CHLSN: variants seen among roughly 807,000 people sequenced by gnomAD.
CHLSN encodes the protein protein cholesin.
chr7:1,025,620 G>A, the CHLSN span: 1 of 151,772 alleles, frequency 6.6e-6, no homozygotes, highest in South Asian at 2.1e-4. Context: ...CAGAGCACAA[G>A]AGGTTGGGGG....
At chr7:1,092,681 G>A in the CHLSN span, 9 of 1,613,248 alleles carry the variant, frequency 5.6e-6, no homozygotes, top group African/African-American at 1.3e-5. Context: ...TCCAACAGCT[G>A]CCTAAACCCC....
chr7:994,308 C>CTG, the CHLSN span, among the ~76,000 whole-genome samples: 1 of 152,010 alleles, frequency 6.6e-6, no homozygotes, highest in Non-Finnish European at 1.5e-5. Context: ...CTACAGGCGC[C>CTG]CACCACCACA....
chr7:991,873 C>A, the CHLSN span, among the ~76,000 whole-genome samples: 4 of 152,210 alleles, frequency 2.6e-5, no homozygotes, highest in East Asian at 5.8e-4. Flanking sequence ...CCCAGTCCTT[C>A]TCCTTCCTGG....
chr7:1,009,046 CACGT>C, the CHLSN span, among the ~76,000 whole-genome samples: 464 of 151,616 alleles, frequency 3.1e-3, 2 homozygotes, highest in African/African-American at 0.01. Flanking sequence ...CACATGCACA[CACGT>C]ACACGTGCAC....
chr7:1,072,532 T>G, the CHLSN span, among the ~76,000 whole-genome samples: 1 of 152,228 alleles, frequency 6.6e-6, no homozygotes, highest in Admixed American at 6.5e-5. Context: ...TCATTGCATC[T>G]GAGACACAGA....
chr7:1,052,986 A>C, the CHLSN span, among the ~76,000 whole-genome samples: 993 of 152,026 alleles, frequency 6.5e-3, 13 homozygotes, highest in African/African-American at 0.023. This position sits in a 1 kb window ranked among gnomAD's most constrained non-coding sequence, Gnocchi z 4.2. Flanking sequence ...GTCTCCCATC[A>C]CCTGGCTCCC....
the CHLSN span, among the ~76,000 whole-genome samples, chr7:1,085,028 A>G: frequency 3.9e-5 from 6 of 152,326 alleles, no homozygotes; most frequent in African/African-American, 1.4e-4. Flanking sequence ...CTCTCAGCAC[A>G]AGGACTGGGC....
the CHLSN span, among the ~76,000 whole-genome samples, chr7:1,060,047 T>TCTTAGTGAGGCGGGG: frequency 1.4e-5 from 2 of 145,388 alleles, no homozygotes; most frequent in East Asian, 2.0e-4. Context: ...GTGAGGCGGG[T>TCTTAGTGAGGCGGGG]CTTAGTGAGG....
At chr7:1,087,597 G>A in the CHLSN span, among the ~76,000 whole-genome samples, 2 of 152,302 alleles carry the variant, frequency 1.3e-5, no homozygotes, top group African/African-American at 4.8e-5. Context: ...CAACAGTGTC[G>A]GACTGTGGGG....
the CHLSN span, chr7:1,091,367 C>A: frequency 5.0e-6 from 1 of 201,666 alleles, no homozygotes; most frequent in South Asian, 1.5e-4. Context: ...AAAGCTGGGG[C>A]CACTCGATGA....
chr7:1,050,453 C>G, the CHLSN span, among the ~76,000 whole-genome samples: 1 of 152,224 alleles, frequency 6.6e-6, no homozygotes, highest in Non-Finnish European at 1.5e-5. Flanking sequence ...TCCCATCGGT[C>G]CCTGTGGCTT....
the CHLSN span, among the ~76,000 whole-genome samples, chr7:1,081,664 C>T: frequency 6.7e-6 from 1 of 150,300 alleles, no homozygotes; most frequent in Non-Finnish European, 1.5e-5. Context: ...TGGAGCCAGT[C>T]GAGGAACCTG....
At chr7:1,012,613 A>G in the CHLSN span, among the ~76,000 whole-genome samples, 7 of 152,222 alleles carry the variant, frequency 4.6e-5, no homozygotes, top group Non-Finnish European at 1.0e-4. Flanking sequence ...TGTGGCCACG[A>G]GGTGGGAAGC....
chr7:1,023,681 G>C, the CHLSN span, among the ~76,000 whole-genome samples: 2 of 105,610 alleles, frequency 1.9e-5, no homozygotes, highest in Middle Eastern at 4.9e-3. The surrounding 1 kb of genome is among the most constrained non-coding windows in gnomAD (Gnocchi z 5.0). Context: ...ACACACACCA[G>C]CAACGCGCCC....
chr7:1,133,716 T>C, the CHLSN span, among the ~76,000 whole-genome samples: 1 of 144,174 alleles, frequency 6.9e-6, no homozygotes. Flanking sequence ...ATCAAGCCAC[T>C]GCACTCCAGC....
the CHLSN span, among the ~76,000 whole-genome samples, chr7:1,119,614 G>A: frequency 6.6e-6 from 1 of 152,184 alleles, no homozygotes; most frequent in Admixed American, 6.5e-5. Context: ...AGTGGCTCAC[G>A]CCTGTGATTT....
chr7:983,313 G>T, the CHLSN span: 2 of 1,540,698 alleles, frequency 1.3e-6, no homozygotes, highest in Non-Finnish European at 1.7e-6. Flanking sequence ...GGCCCCCGGG[G>T]CCTCGCCCGC....
the CHLSN span, chr7:1,091,271 A>G: frequency 1.3e-5 from 2 of 156,692 alleles, no homozygotes; most frequent in African/African-American, 4.8e-5. Context: ...TCCCGAGCTC[A>G]TAAAGCTGAG....
the CHLSN span, among the ~76,000 whole-genome samples, chr7:1,123,812 G>A: frequency 6.6e-6 from 1 of 151,950 alleles, no homozygotes; most frequent in Admixed American, 6.5e-5. The surrounding 1 kb of genome is among the most constrained non-coding windows in gnomAD (Gnocchi z 4.4). Context: ...GCTGAAGGCA[G>A]CTCCCTCCGC....
Sources: allele counts gnomAD v4.1 joint callset (sites outside exome capture counted in the v4.1 genomes callset), GRCh38; gene constraint gnomAD v4.1.1; non-coding constraint Gnocchi (gnomAD v3.1); transcripts MANE v1.5; gene names NCBI Gene and HGNC (gene_info 2026-07-23, HGNC 2026-07-21).